Variants in EGFR observed in about 807,000 individuals in gnomAD.
EGFR encodes avian erythroblastic leukemia viral (v-erb-b) oncogene homolog.
A neutral mutation model predicts 143.0 loss-of-function variants in EGFR; 58 were observed. That is an observed-to-expected ratio of 0.41 (90% CI 0.33 to 0.50). The LOEUF is 0.50. Ranked by LOEUF, EGFR falls within the 20% of genes least tolerant of loss-of-function variation. EGFR has a pLI of 0.39. For synonymous variants in EGFR, 613 were observed against 594.4 expected, an observed-to-expected ratio of 1.03 and a Z score of -0.45; for missense variants, 1,307 against 1,579.0, an observed-to-expected ratio of 0.83 and a Z score of 2.92.
At chr7:55,201,458 G>T (rs1198429262) in intron 25 of EGFR, 103 bp downstream of exon 25, 3 of 1,521,848 alleles carry the variant, frequency 2.0e-6, no homozygotes, top group Admixed American at 3.5e-5. Flanking sequence ...ACATGGATAT[G>T]AAGTCAATTT....
intron 1 of EGFR, among the ~76,000 whole-genome samples, chr7:55,047,425 G>A (rs1389079566): frequency 1.3e-5 from 2 of 152,248 alleles, no homozygotes; most frequent in South Asian, 2.1e-4. Context: ...AACATATTGT[G>A]TGTACTTGAT....
rs569760666 is a variant in EGFR at position 55,145,186 on chromosome 7, T to A, written c.425-1420T>A. Among the ~76,000 whole-genome samples, 23 of 152,308 alleles carry A rather than the reference T, an allele frequency of 1.5e-4. No homozygotes were observed. In the South Asian group the frequency reaches 4.6e-3, roughly 30 times the overall value. ...TGTGCTGAAGGCCCAGCTCTGACTG[T>A]GCCTCTGTGCTCTCCTCGCCCCGCC... is the stretch of plus-strand genomic sequence containing the variant. On this transcript the variant is annotated intron_variant, in intron 3 of 27. Transcript: ENST00000275493.
chr7:55,039,727 C>A (rs183378237), intron 1 of EGFR, among the ~76,000 whole-genome samples: 78 of 152,274 alleles, frequency 5.1e-4, no homozygotes, highest in African/African-American at 1.8e-3. Context: ...CATCCCATTT[C>A]TTTCCACATT....
chr7:55,187,209 T>C (rs1388051292), intron 20 of EGFR, among the ~76,000 whole-genome samples: 4 of 152,064 alleles, frequency 2.6e-5, no homozygotes, highest in African/African-American at 9.7e-5. Flanking sequence ...AAATTCAAGG[T>C]CGCTGCAAAA....
rs1787731529 is a variant in EGFR at position 55,198,862 on chromosome 7, G to A, written c.2847G>A (p.Lys949=). 1 of 1,614,142 alleles carries A rather than the reference G, an allele frequency of 6.2e-7. No homozygotes were observed. The highest frequency in any genetic ancestry group is 8.5e-7 in the Non-Finnish European group (1 of 1,180,040). ...TCGATGTCTACATGATCATGGTCAA[G>A]TGTGAGTGACTGGTGGGTCTGTCCA... ...CTIDVYMIMV[K]CWMIDADSRP... is the part of the protein sequence containing the mutation. The change falls in exon 23 of 28, where the codon AAG becomes AAA. Residue 949 remains lysine, a splice_region_variant and synonymous_variant. Coordinates refer to ENST00000275493, the MANE Select transcript of EGFR (RefSeq NM_005228.5).
chr7:55,104,638 G>A (rs571597024), intron 1 of EGFR, among the ~76,000 whole-genome samples: 7 of 152,154 alleles, frequency 4.6e-5, no homozygotes, highest in South Asian at 2.1e-4. Flanking sequence ...GAAATATGTC[G>A]GCGTGTGAAG....
chr7:55,174,125 G>C (rs992084694), intron 18 of EGFR, 82 bp downstream of exon 18: 1 of 1,577,068 alleles, frequency 6.3e-7, no homozygotes, highest in Non-Finnish European at 8.6e-7. Context: ...CTTGCAAGCT[G>C]TATATTTCCA....
rs550843093 is a variant in EGFR, at chr7:55,122,954, T to C, written c.89-19332T>C. Among the ~76,000 whole-genome samples, 9 of 152,358 alleles carry C rather than the reference T, an allele frequency of 5.9e-5. No individual in the cohort carries two copies. In the South Asian group the frequency reaches 1.2e-3, roughly 21 times the overall value. The stretch of plus-strand genomic sequence containing the variant: ...AGTATATAGCTGATTAATTGATGAA[T>C]TGATTAATTAATGGTTCACACTAGC... On this transcript the variant is annotated intron_variant, in intron 1 of 27. Transcript: ENST00000275493.
At chr7:55,147,030 T>A (rs1355263157) in intron 4 of EGFR, among the ~76,000 whole-genome samples, 3 of 152,174 alleles carry the variant, frequency 2.0e-5, no homozygotes, top group African/African-American at 7.2e-5. Context: ...TTCATGGGGC[T>A]GGCAGCACCA....
intron 25 of EGFR, 145 bp from the exon 26 acceptor site, chr7:55,201,590 C>A (rs2128972238): frequency 2.5e-6 from 3 of 1,202,946 alleles, no homozygotes; most frequent in East Asian, 2.4e-5. Context: ...CAAAACTAAA[C>A]CTAGTTGCTC....
At chr7:55,041,093 G>A (rs987908931) in intron 1 of EGFR, among the ~76,000 whole-genome samples, 1 of 152,192 alleles carries the variant, frequency 6.6e-6, no homozygotes, top group Non-Finnish European at 1.5e-5. Context: ...CACAGGTGGT[G>A]TCAGAGTCAG....
rs757467886 is a variant in EGFR, at chr7:55,198,714, C to G, written c.2702-3C>G. 6.2e-7 allele frequency: 1 copy of G among 1,614,220 alleles called. No homozygotes were observed. The highest frequency in any genetic ancestry group is 1.1e-5 in the South Asian group (1 of 91,086). On this transcript the variant is annotated splice_region_variant and splice_polypyrimidine_tract_variant and intron_variant, in intron 22 of 27. Transcript: ENST00000275493. The stretch of plus-strand genomic sequence containing the variant: ...GCCTTCTTTTCTTGCTTCATCCTCT[C>G]AGGGGTGACTGTTTGGGAGTTGATG...
intron 1 of EGFR, among the ~76,000 whole-genome samples, chr7:55,130,685 C>T (rs113759509): frequency 2.0e-3 from 312 of 152,314 alleles, no homozygotes; most frequent in Non-Finnish European, 3.1e-3. Flanking sequence ...ACCACGCTTA[C>T]AAAACCATCA....
At chr7:55,079,626 G>C (rs78077110) in intron 1 of EGFR, among the ~76,000 whole-genome samples, 12 of 151,972 alleles carry the variant, frequency 7.9e-5, no homozygotes. Flanking sequence ...AATACTGCAC[G>C]GTTTATCGTG....
At chr7:55,183,847 C>T (rs1332602719) in intron 20 of EGFR, among the ~76,000 whole-genome samples, 2 of 152,188 alleles carry the variant, frequency 1.3e-5, no homozygotes, top group Admixed American at 1.3e-4. Context: ...GCCCTTCCTC[C>T]GTTCATCAGA....
chr7:55,196,195 C>CTTTTTTTTT (rs1331766673), intron 22 of EGFR, among the ~76,000 whole-genome samples: 76 of 55,326 alleles, frequency 1.4e-3, no homozygotes, highest in East Asian at 3.3e-3. Context: ...TTTTTTTTTA[C>CTTTTTTTTT]TTTTCAATAA....
At chr7:55,077,866 C>T (rs1790220618) in intron 1 of EGFR, among the ~76,000 whole-genome samples, 1 of 152,156 alleles carries the variant, frequency 6.6e-6, no homozygotes, top group Non-Finnish European at 1.5e-5. Flanking sequence ...CTCCGAAGAG[C>T]TGGACATTGA....
At chr7:55,156,394 T>A in intron 8 of EGFR, 139 bp from the exon 9 acceptor site, 1 of 1,252,894 alleles carries the variant, frequency 8.0e-7, no homozygotes, top group African/African-American at 1.5e-5. Flanking sequence ...CTTCAGTGTT[T>A]GTTGAGTGAA....
chr7:55,154,286 T>A (rs1025893341), intron 7 of EGFR, 134 bp downstream of exon 7: 1 of 1,395,450 alleles, frequency 7.2e-7, no homozygotes, highest in Non-Finnish European at 9.9e-7. Flanking sequence ...GAGGCGACCC[T>A]GTGCCCGTCC....
Sources: allele counts gnomAD v4.1 joint callset (sites outside exome capture counted in the v4.1 genomes callset), GRCh38; gene constraint gnomAD v4.1.1; transcripts MANE v1.5; gene names NCBI Gene and HGNC (gene_info 2026-07-23, HGNC 2026-07-21).